GSDME: variants seen among roughly 807,000 people sequenced by gnomAD.
GSDME encodes the protein gasdermin-E.
GSDME carries 44 observed loss-of-function variants against 47.5 expected under a neutral mutation model. The ratio of observed to expected loss-of-function variants is 0.93; its 90% CI spans 0.73 to 1.19. The LOEUF (loss-of-function observed/expected upper bound fraction) is 1.19, where lower values mean the gene tolerates loss of function less well. Among genes scored for constraint, GSDME ranks in the 50% most tolerant of loss-of-function variants. The probability of loss-of-function intolerance (pLI) is 0.00; values close to 1 mark genes in which losing one functional copy is unlikely to be tolerated. For synonymous variants in GSDME, 258 were observed against 252.8 expected (o/e 1.02, Z -0.20); for missense variants, 663 against 604.2 (o/e 1.10, Z -1.02).
chr7:24,789,868 G>C, the GSDME span, among the ~76,000 whole-genome samples: 1 of 152,196 alleles, frequency 6.6e-6, no homozygotes, highest in African/African-American at 2.4e-5. Context: ...AAGCATTTTG[G>C]TGAACTAAGG....
intron 7 of GSDME, chr7:24,707,744 C>T (rs1028700053): frequency 4.6e-5 from 20 of 435,736 alleles, no homozygotes; most frequent in African/African-American, 2.9e-4. Flanking sequence ...TGGAGTGCTG[C>T]TGCCATGAGC....
At chr7:24,786,626 T>C in the GSDME span, among the ~76,000 whole-genome samples, 1 of 152,204 alleles carries the variant, frequency 6.6e-6, no homozygotes, top group Non-Finnish European at 1.5e-5. This position sits in a 1 kb window ranked among gnomAD's most constrained non-coding sequence, Gnocchi z 5.5. Context: ...CCTTCACATA[T>C]TGGTGAGCAA....
Position 24,732,121 on chromosome 7 carries a change from C to T in GSDME, c.404+12441G>A, listed in dbSNP as rs185810639. ...CAGCGACAGGACCAGAATCAGGGAACTCATGTTCTCCAAGTACACATGGAC... is the reference window on the plus strand; with the variant it reads ...CAGCGACAGGACCAGAATCAGGGAATTCATGTTCTCCAAGTACACATGGAC... On this transcript the variant is annotated intron_variant, in intron 3 of 9. Transcript: ENST00000645220. This position sits in a 1 kb window ranked among gnomAD's most constrained non-coding sequence, Gnocchi z 4.8. Among the ~76,000 whole-genome samples the T allele has an allele frequency of 2.0e-5, 3 of 152,332 alleles. No individual in the cohort carries two copies. Among genetic ancestry groups the T allele is most frequent in the Non-Finnish European group, 2.9e-5 (2 of 68,034 alleles).
intron 4 of GSDME, among the ~76,000 whole-genome samples, chr7:24,718,429 A>G (rs1402238283): frequency 6.6e-6 from 1 of 152,220 alleles, no homozygotes; most frequent in Non-Finnish European, 1.5e-5. Context: ...AGAAGAATCT[A>G]TGTAGAGATA....
rs907668671 is a variant in GSDME, at chr7:24,757,221, C to T, written c.-20+175G>A. Among the ~76,000 whole-genome samples, 1 of 151,768 alleles carries T rather than the reference C, an allele frequency of 6.6e-6. No individual in the cohort carries two copies. ...GGAGCGACGGGACCTGCCGTTCCGG[C>T]GGCCGGGCAGCCAATCGATTCGTCT... On this transcript the variant is annotated intron_variant, in intron 1 of 9. Transcript: ENST00000645220. The surrounding 1 kb of genome is among the most constrained non-coding windows in gnomAD (Gnocchi z 5.9).
Position 24,749,778 on chromosome 7 carries a change from G to C in GSDME, c.-4C>G. The C allele has an allele frequency of 1.2e-6, 2 of 1,610,572 alleles. No homozygotes were observed. The highest frequency in any genetic ancestry group is 1.7e-6 in the Non-Finnish European group (2 of 1,177,086). ...TCCTGGTTGCTTTGGCAAACATTTT[G>C]AAAGCTCCAGATTATCTGAAAAAGT... On this transcript the variant is annotated 5_prime_UTR_variant, in exon 2 of 10. Coordinates refer to ENST00000645220, the MANE Select transcript of GSDME (RefSeq NM_001127453.2).
Position 24,744,892 on chromosome 7 carries a change from C to A in GSDME, c.212-138G>T. On this transcript the variant is annotated intron_variant, in intron 2 of 9. Transcript: ENST00000645220. This position sits in a 1 kb window ranked among gnomAD's most constrained non-coding sequence, Gnocchi z 4.5. ...CTCAGATGGAAAGCCGGCAGCCATG[C>A]TGTGTGTGTGGGCAAGAAAACAGGG... 1 of 895,608 alleles carries A rather than the reference C, an allele frequency of 1.1e-6. No individual in the cohort carries two copies. Among genetic ancestry groups the A allele is most frequent in the Non-Finnish European group, 1.8e-6 (1 of 567,652 alleles). The allele number at this position is 895,608 out of a possible 1,614,324, so 55.5% of individuals were successfully genotyped here. A position where few individuals can be genotyped will look rare whatever the true frequency, so the allele number is the denominator to read the frequency against.
the GSDME span, among the ~76,000 whole-genome samples, chr7:24,768,855 A>C: frequency 1.3e-5 from 2 of 152,232 alleles, no homozygotes; most frequent in Non-Finnish European, 2.9e-5. This position sits in a 1 kb window ranked among gnomAD's most constrained non-coding sequence, Gnocchi z 5.6. Flanking sequence ...ATACTGTGTT[A>C]GTTAAGTGAA....
chr7:24,702,828 G>C lies in GSDME; in HGVS notation c.1189C>G (p.Pro397Ala), dbSNP rs1562684643. The C allele has an allele frequency of 6.2e-7, 1 of 1,612,464 alleles. No individual in the cohort carries two copies. Among genetic ancestry groups the C allele is most frequent in the Non-Finnish European group, 8.5e-7 (1 of 1,179,166 alleles). The change falls in exon 9 of 10, where the codon CCA (proline) becomes GCA (alanine). Residue 397 changes from proline to alanine, a missense_variant. Transcript: ENST00000645220. Reference sequence around the variant, plus strand: ...CCCAGCAGAGCTGCTGCGCTATCTGGCATTTCTGCAGGAGAGAAAAATCAC... The same window carrying C: ...CCCAGCAGAGCTGCTGCGCTATCTGCCATTTCTGCAGGAGAGAAAAATCAC... ...YFLVSALAEM[P>A]DSAAALLGTC...
At chr7:24,718,268 A>G (rs1276368268) in intron 4 of GSDME, among the ~76,000 whole-genome samples, 1 of 152,244 alleles carries the variant, frequency 6.6e-6, no homozygotes, top group East Asian at 1.9e-4. Flanking sequence ...AGAAAAAGCC[A>G]AAAGTCATCC....
chr7:24,703,807 T>A (rs1264048592), intron 8 of GSDME: 1 of 152,254 alleles, frequency 6.6e-6, no homozygotes, highest in African/African-American at 2.4e-5. Context: ...TGCATTTGTC[T>A]GAAGAGAAGA....
Position 24,748,980 on chromosome 7 carries a change from G to A in GSDME, c.211+584C>T, listed in dbSNP as rs546141506. Among the ~76,000 whole-genome samples the A allele has an allele frequency of 2.6e-5, 4 of 152,238 alleles. No homozygotes were observed. The South Asian group carries it at 8.3e-4, about 32-fold the overall frequency. ...AGTTCAACACCAAACCACATTTGGG[G>A]TAGGTGATCCACCCCACTTATGCTG... On this transcript the variant is annotated intron_variant, in intron 2 of 9. Transcript: ENST00000645220.
rs1217736777 is a variant in GSDME at position 24,725,545 on chromosome 7, G to A, written c.405-6327C>T. ...CCAAGCTCTTGAGTGAGCAATTCCT[G>A]TCCCGTTTAAGGGCTCACAACTCTA... is the stretch of plus-strand genomic sequence containing the variant. On this transcript the variant is annotated intron_variant, in intron 3 of 9. Transcript: ENST00000645220. The surrounding 1 kb of genome is among the most constrained non-coding windows in gnomAD (Gnocchi z 5.1). Among the ~76,000 whole-genome samples the A allele has an allele frequency of 1.3e-5, 2 of 152,118 alleles. No homozygotes were observed. The highest frequency in any genetic ancestry group is 6.5e-5 in the Admixed American group (1 of 15,284).
At chr7:24,755,366 T>C (rs1790981275) in intron 1 of GSDME, among the ~76,000 whole-genome samples, 2 of 152,188 alleles carry the variant, frequency 1.3e-5, no homozygotes, top group African/African-American at 4.8e-5. Flanking sequence ...ATCACAGCTA[T>C]AGCCTCTCTC....
At chr7:24,717,475 G>T in intron 4 of GSDME, 101 bp from the exon 5 acceptor site, 1 of 1,563,314 alleles carries the variant, frequency 6.4e-7, no homozygotes, top group South Asian at 1.2e-5. Flanking sequence ...AAGAGATGCT[G>T]AGCAATGTCC....
At chr7:24,772,682 T>C in the GSDME span, among the ~76,000 whole-genome samples, 1 of 152,262 alleles carries the variant, frequency 6.6e-6, no homozygotes, top group Non-Finnish European at 1.5e-5. The surrounding 1 kb of genome is among the most constrained non-coding windows in gnomAD (Gnocchi z 4.5). Context: ...TCTTGTCAGA[T>C]TCTAGTAGTT....
chr7:24,784,909 C>T, the GSDME span, among the ~76,000 whole-genome samples: 1 of 152,094 alleles, frequency 6.6e-6, no homozygotes, highest in Non-Finnish European at 1.5e-5. Flanking sequence ...CCCACCCACA[C>T]TGAGGGTGAG....
At chr7:24,769,301 T>C in the GSDME span, among the ~76,000 whole-genome samples, 1 of 152,272 alleles carries the variant, frequency 6.6e-6, no homozygotes, top group African/African-American at 2.4e-5. Flanking sequence ...GTCTGAGAGT[T>C]AGAAACTCTC....
chr7:24,781,533 T>C, the GSDME span, among the ~76,000 whole-genome samples: 561 of 152,298 alleles, frequency 3.7e-3, 4 homozygotes, highest in African/African-American at 0.013. Flanking sequence ...ACAGTTCATA[T>C]AGTATGTATT....
Sources: gnomAD v4.1 joint callset for allele counts (sites outside exome capture counted in the v4.1 genomes callset) on GRCh38, gnomAD v4.1.1 for gene constraint, Gnocchi (gnomAD v3.1) non-coding constraint, MANE v1.5 for transcripts, NCBI Gene and HGNC (gene_info 2026-07-23, HGNC 2026-07-21) for gene names.